Variants in STAG1 observed in about 807,000 individuals in gnomAD.
STAG1 encodes STAG1 cohesin complex component.
STAG1 carries 26 observed loss-of-function variants against 170.9 expected under a neutral mutation model. The ratio of observed to expected loss-of-function variants is 0.15; its 90% confidence interval spans 0.11 to 0.21. The LOEUF is 0.21. STAG1 is among the 10% of genes least tolerant of loss of function. The pLI is 1.00. For synonymous variants in STAG1, 514 were observed against 497.7 expected, an observed-to-expected ratio of 1.03 and a Z score of -0.44; for missense variants, 964 against 1,509.5, an observed-to-expected ratio of 0.64 and a Z score of 5.99.
At chr3:136,733,676 T>C (rs534486952) in intron 1 of STAG1, among the ~76,000 whole-genome samples, 53 of 152,308 alleles carry the variant, frequency 3.5e-4, no homozygotes, top group Non-Finnish European at 5.7e-4. Flanking sequence ...TGTGAACACA[T>C]GAGATTTTTA....
chr3:136,733,381 T>C (rs938205675), intron 1 of STAG1, among the ~76,000 whole-genome samples: 7 of 152,152 alleles, frequency 4.6e-5, no homozygotes, highest in African/African-American at 1.7e-4. Context: ...CTACCGTGCC[T>C]GGCCAAAGGC....
chr3:136,412,023 A>C (rs533017888), intron 21 of STAG1, among the ~76,000 whole-genome samples: 2 of 151,546 alleles, frequency 1.3e-5, no homozygotes, highest in Admixed American at 6.6e-5. Context: ...CTTCGTCTAA[A>C]AAACAAACAA....
chr3:136,593,698 T>C (rs1223802631), intron 4 of STAG1, among the ~76,000 whole-genome samples: 1 of 152,234 alleles, frequency 6.6e-6, no homozygotes, highest in East Asian at 1.9e-4. Context: ...TCCAATTTTA[T>C]CTTCAGGCAA....
At chr3:136,543,281 T>A (rs959620594) in intron 5 of STAG1, among the ~76,000 whole-genome samples, 19 of 152,012 alleles carry the variant, frequency 1.2e-4, no homozygotes, top group African/African-American at 4.6e-4. Context: ...AAATAAAAAA[T>A]AAAATGTAAA....
intron 4 of STAG1, among the ~76,000 whole-genome samples, chr3:136,598,486 G>A (rs962477970): frequency 1.3e-5 from 2 of 151,422 alleles, no homozygotes; most frequent in Admixed American, 6.6e-5. Context: ...GAGTGCAATG[G>A]CGCAATCTCG....
chr3:136,583,801 A>AAAAAAC (rs957494465), intron 4 of STAG1, among the ~76,000 whole-genome samples: 3 of 152,152 alleles, frequency 2.0e-5, no homozygotes, highest in Admixed American at 6.5e-5. Flanking sequence ...AAGGAGATTT[A>AAAAAAC]AAAAACAAAA....
At chr3:136,457,500 G>T (rs1328980201) in intron 13 of STAG1, among the ~76,000 whole-genome samples, 1 of 152,060 alleles carries the variant, frequency 6.6e-6, no homozygotes, top group Non-Finnish European at 1.5e-5. Flanking sequence ...CCAATAAATA[G>T]TGTGGGCTCC....
In STAG1 at chr3:136,544,412, C is replaced by T. The variant is rs1052985454; in HGVS notation, c.395-2217G>A. Among the ~76,000 whole-genome samples the T allele has an allele frequency of 5.3e-5, 8 of 152,122 alleles. No individual in the cohort carries two copies. The South Asian group carries it at 1.7e-3, about 32-fold the overall frequency. On this transcript the variant is annotated intron_variant, in intron 5 of 33. Coordinates refer to ENST00000383202, the MANE Select transcript of STAG1 (RefSeq NM_005862.3). Reference sequence around the variant, plus strand: ...AAGACTGAAAGTAGACAGAACTTTACTCAGCAGCAAAACAATTTATCCAAA... The same window carrying T: ...AAGACTGAAAGTAGACAGAACTTTATTCAGCAGCAAAACAATTTATCCAAA...
chr3:136,617,643 A>G (rs139771053), intron 3 of STAG1, among the ~76,000 whole-genome samples: 1 of 152,324 alleles, frequency 6.6e-6, no homozygotes, highest in East Asian at 1.9e-4. Flanking sequence ...GTTATAACAG[A>G]TTGTTAAAGG....
rs71626007 is a variant in STAG1 at position 136,589,628 on chromosome 3, C to CAAAAAAAAAAAAAAAAAAAAA, written c.297+14660_297+14680dup. 4.3e-5 allele frequency among the ~76,000 whole-genome samples: 2 copies of CAAAAAAAAAAAAAAAAAAAAA among 46,192 alleles called. 1 individual carries two copies. The highest frequency in any genetic ancestry group is 1.4e-4 in the African/African-American group (2 of 14,200). The allele number at this position is 46,192 out of a possible 152,430, so 30.3% of individuals were successfully genotyped here. On this transcript the variant is annotated intron_variant, in intron 4 of 33. Coordinates refer to ENST00000383202, the MANE Select transcript of STAG1 (RefSeq NM_005862.3). ...CTCCAGCCTGGGCAACAAAGGGAGC[C>CAAAAAAAAAAAAAAAAAAAAA]AAAAAAAAAAAAAAAAAAAAAGCCA...
At chr3:136,713,117 C>T (rs1024219987) in intron 1 of STAG1, among the ~76,000 whole-genome samples, 3 of 152,024 alleles carry the variant, frequency 2.0e-5, no homozygotes, top group Non-Finnish European at 4.4e-5. Context: ...AGAGTGTTCT[C>T]AGCAGTAATA....
chr3:136,363,387 A>G lies in STAG1; in HGVS notation c.2766T>C (p.Thr922=). The G allele has an allele frequency of 6.2e-7, 1 of 1,600,310 alleles. No homozygotes were observed. The highest frequency in any genetic ancestry group is 8.5e-7 in the Non-Finnish European group (1 of 1,169,724). The change falls in exon 26 of 34, where the codon ACT becomes ACC. Residue 922 remains threonine (T), a synonymous_variant. Coordinates refer to ENST00000383202, the MANE Select transcript of STAG1 (RefSeq NM_005862.3). ...TTACCTGTTGCAAACTGAGAATGAG[A>G]GTCTTGGCACACTGAATTTTATCAA... is the stretch of plus-strand genomic sequence containing the variant. ...RQIDKIQCAK[T]LILSLQQLFN... is the part of the protein sequence containing the mutation.
At chr3:136,383,912 A>G (rs1328434191) in intron 22 of STAG1, among the ~76,000 whole-genome samples, 4 of 146,518 alleles carry the variant, frequency 2.7e-5, no homozygotes, top group Non-Finnish European at 6.0e-5. Context: ...CCGAGATCGC[A>G]CCACTGCACT....
At chr3:136,737,277 T>A (rs1477265220) in intron 1 of STAG1, 10 of 507,834 alleles carry the variant, frequency 2.0e-5, no homozygotes, top group Middle Eastern at 3.2e-4. Context: ...TAATTTTTTG[T>A]ATTCTTAGTA....
At chr3:136,445,583 T>C (rs1470481754) in intron 14 of STAG1, among the ~76,000 whole-genome samples, 2 of 152,210 alleles carry the variant, frequency 1.3e-5, no homozygotes, top group African/African-American at 2.4e-5. Flanking sequence ...GCCAATGAAC[T>C]GTATACTTAA....
intron 1 of STAG1, among the ~76,000 whole-genome samples, chr3:136,658,468 A>G (rs1475395883): frequency 6.6e-6 from 1 of 152,086 alleles, no homozygotes; most frequent in Non-Finnish European, 1.5e-5. Flanking sequence ...TTGCAAAACC[A>G]AAAAACCAAA....
At chr3:136,519,629 G>C (rs1050815311) in intron 7 of STAG1, among the ~76,000 whole-genome samples, 1 of 150,796 alleles carries the variant, frequency 6.6e-6, no homozygotes, top group African/African-American at 2.4e-5. Flanking sequence ...AAAAGGAACA[G>C]AAAGTATAAA....
chr3:136,663,365 T>C (rs1444296229), intron 1 of STAG1, among the ~76,000 whole-genome samples: 2 of 151,980 alleles, frequency 1.3e-5, no homozygotes, highest in African/African-American at 4.8e-5. Flanking sequence ...AATAAGCAAA[T>C]AGGTACAAAG....
At chr3:136,432,368 A>G (rs2088328367) in intron 16 of STAG1, among the ~76,000 whole-genome samples, 1 of 152,152 alleles carries the variant, frequency 6.6e-6, no homozygotes. Context: ...ATATAGCCCT[A>G]CTGAGAAGCC....
Sources: gnomAD v4.1 joint callset for allele counts (sites outside exome capture counted in the v4.1 genomes callset) on GRCh38, gnomAD v4.1.1 for gene constraint, MANE v1.5 for transcripts, NCBI Gene and HGNC (gene_info 2026-07-23, HGNC 2026-07-21) for gene names.